The following PSMB2 variants were observed in gnomAD, a reference collection of about 807,000 sequenced individuals.
PSMB2 encodes proteasome 20S subunit beta 2.
In PSMB2, 13 loss-of-function variants were observed where a neutral mutation model predicts 25.7. The observed-to-expected ratio is 0.51, with a 90% CI of 0.33 to 0.80. The LOEUF is 0.80. Among genes scored for constraint, PSMB2 ranks in the 30% least tolerant of loss-of-function variants. The pLI, the probability that PSMB2 is intolerant of heterozygous loss-of-function variation, is 0.02. For synonymous variants in PSMB2, 87 were observed against 96.2 expected (o/e 0.90, Z 0.56); for missense variants, 202 against 259.0 (o/e 0.78, Z 1.51).
At position 35,601,798 on chromosome 1, in the gene PSMB2, T is replaced by C. The variant is rs1650010375; in HGVS notation, c.*1469A>G. 2.0e-6 allele frequency: 2 copies of C among 985,436 alleles called. No homozygotes were observed. Among genetic ancestry groups the C allele is most frequent in the Non-Finnish European group, 1.2e-6 (1 of 829,940 alleles). 61.0% of individuals were successfully genotyped at this position (985,436 alleles called of 1,614,324 possible). On this transcript the variant is annotated 3_prime_UTR_variant, in exon 6 of 6. Coordinates refer to ENST00000373237, the MANE Select transcript of PSMB2 (RefSeq NM_002794.5). ...ATCAGTAGCAACTGGAAATGTGAGA[T>C]GAACATTCTGAAACACACATCTGGT...
chr1:35,638,488 T>C (rs1251131400), intron 1 of PSMB2, among the ~76,000 whole-genome samples: 1 of 152,216 alleles, frequency 6.6e-6, no homozygotes, highest in African/African-American at 2.4e-5. Context: ...AGTTTCCAGA[T>C]GTGTGAAATG....
Position 35,604,674 on chromosome 1 carries a change from G to A in PSMB2, c.498+559C>T, listed in dbSNP as rs899493627. On this transcript the variant is annotated intron_variant, in intron 5 of 5. Transcript: ENST00000373237. ...TGGGCAACTGTAATCCCAGCTACTC[G>A]GGAGGCTAAGGCAAGAGAATTGCTT... is the stretch of plus-strand genomic sequence containing the variant. Among the ~76,000 whole-genome samples the A allele has an allele frequency of 2.0e-5, 3 of 152,160 alleles. No individual in the cohort carries two copies. The East Asian group carries it at 5.8e-4, about 29-fold the overall frequency.
chr1:35,618,195 A>G (rs1472097362), intron 3 of PSMB2, among the ~76,000 whole-genome samples: 1 of 152,180 alleles, frequency 6.6e-6, no homozygotes, highest in African/African-American at 2.4e-5. Context: ...TATATTTAGA[A>G]GGTAGAAATG....
intron 3 of PSMB2, among the ~76,000 whole-genome samples, chr1:35,615,783 G>T (rs1278165351): frequency 6.6e-6 from 1 of 152,120 alleles, no homozygotes; most frequent in Non-Finnish European, 1.5e-5. Context: ...TTTGGAGAAT[G>T]GTGCAATTTC....
At chr1:35,636,483 G>A (rs368413197) in intron 1 of PSMB2, 51 bp from the exon 2 acceptor site, 36 of 1,586,110 alleles carry the variant, frequency 2.3e-5, no homozygotes, top group Admixed American at 5.3e-5. Flanking sequence ...GACATTGACC[G>A]TCATTATTTA....
At chr1:35,629,197 C>A (rs781117285) in intron 3 of PSMB2, among the ~76,000 whole-genome samples, 2 of 152,184 alleles carry the variant, frequency 1.3e-5, no homozygotes, top group Non-Finnish European at 2.9e-5. Context: ...TACAAGCATT[C>A]ATTTTCCTGG....
chr1:35,635,373 C>T (rs1367331025), intron 2 of PSMB2, among the ~76,000 whole-genome samples: 1 of 151,762 alleles, frequency 6.6e-6, no homozygotes, highest in East Asian at 1.9e-4. Context: ...TCCCCAATTG[C>T]TGGGATTACA....
intron 2 of PSMB2, among the ~76,000 whole-genome samples, chr1:35,634,272 T>C (rs1346825584): frequency 6.6e-6 from 1 of 152,220 alleles, no homozygotes; most frequent in African/African-American, 2.4e-5. Flanking sequence ...TATAATTCAT[T>C]TCAGAGATAA....
At chr1:35,622,685 GCTCT>G (rs1419070554) in intron 3 of PSMB2, among the ~76,000 whole-genome samples, 5 of 151,846 alleles carry the variant, frequency 3.3e-5, no homozygotes, top group African/African-American at 1.2e-4. Flanking sequence ...GCACATATAT[GCTCT>G]CTGAGTGAGA....
At chr1:35,615,357 C>T (rs1373960470) in intron 3 of PSMB2, among the ~76,000 whole-genome samples, 2 of 152,096 alleles carry the variant, frequency 1.3e-5, no homozygotes, top group Non-Finnish European at 2.9e-5. Flanking sequence ...GACTCTTCTA[C>T]ATTTGGGGGT....
intron 3 of PSMB2, among the ~76,000 whole-genome samples, chr1:35,618,668 A>G (rs1650576797): frequency 2.0e-5 from 3 of 152,206 alleles, no homozygotes; most frequent in Admixed American, 2.0e-4. Context: ...TGACAAAAGC[A>G]GAGGTGCGAG....
chr1:35,635,408 A>T (rs976848723), intron 2 of PSMB2, among the ~76,000 whole-genome samples: 1 of 151,816 alleles, frequency 6.6e-6, no homozygotes, highest in Non-Finnish European at 1.5e-5. Context: ...TACCAGGCCG[A>T]TGGTGTTAGT....
intron 3 of PSMB2, among the ~76,000 whole-genome samples, chr1:35,623,320 C>T (rs552981746): frequency 1.5e-4 from 23 of 152,258 alleles, no homozygotes; most frequent in South Asian, 1.4e-3. Context: ...TGAACAGACA[C>T]GTAACTCTTG....
chr1:35,623,722 G>T (rs1364623239), intron 3 of PSMB2, among the ~76,000 whole-genome samples: 2 of 152,242 alleles, frequency 1.3e-5, no homozygotes, highest in African/African-American at 4.8e-5. Context: ...AGAAGATGAG[G>T]CCTCAAGGGA....
chr1:35,633,531 G>A (rs746366837), intron 2 of PSMB2, among the ~76,000 whole-genome samples: 4 of 152,140 alleles, frequency 2.6e-5, no homozygotes, highest in Non-Finnish European at 5.9e-5. Context: ...CTAAAACCCA[G>A]TAACAAACAA....
In PSMB2 at chr1:35,602,440, A is replaced by G. The variant is rs1363931262; in HGVS notation, c.*827T>C. The G allele has an allele frequency of 6.6e-6, 1 of 152,258 alleles. No homozygotes were observed. Among genetic ancestry groups the G allele is most frequent in the Admixed American group, 6.5e-5 (1 of 15,284 alleles). The allele number at this position is 152,258 out of a possible 1,614,324, so 9.4% of individuals were successfully genotyped here. ...AAAAACATAAGAAATTAGTAGCTGA[A>G]GTTTCCTCCAGGAAGGGAAGCAGGA... On this transcript the variant is annotated 3_prime_UTR_variant, in exon 6 of 6. Transcript: ENST00000373237.
chr1:35,601,574 C>T lies in PSMB2; in HGVS notation c.*1693G>A, dbSNP rs115523141. On this transcript the variant is annotated 3_prime_UTR_variant, in exon 6 of 6. Coordinates refer to ENST00000373237, the MANE Select transcript of PSMB2 (RefSeq NM_002794.5). The stretch of plus-strand genomic sequence containing the variant: ...TTGGCGTATTAAATAGTGTATAAGA[C>T]ACCCAAATCTAATGTTAACCCAATA... 1.0e-6 allele frequency: 1 copy of T among 985,118 alleles called. No individual in the cohort carries two copies. The highest frequency in any genetic ancestry group is 1.1e-4 in the East Asian group (1 of 8,814). 61.0% of individuals were successfully genotyped at this position (985,118 alleles called of 1,614,324 possible).
chr1:35,600,396 A>G lies in PSMB2; in HGVS notation c.*2871T>C. On this transcript the variant is annotated 3_prime_UTR_variant, in exon 6 of 6. Coordinates refer to ENST00000373237, the MANE Select transcript of PSMB2 (RefSeq NM_002794.5). ...TGTTGGTTTCTCAGTTTTGACAAAC[A>G]TACTGTGGTATATAGAAGATGTTAA... 1 of 808,606 alleles carries G rather than the reference A, an allele frequency of 1.2e-6. No homozygotes were observed. The highest frequency in any genetic ancestry group is 1.5e-6 in the Non-Finnish European group (1 of 668,820). The allele number at this position is 808,606 out of a possible 1,614,324, so 50.1% of individuals were successfully genotyped here.
At chr1:35,617,013 G>A (rs960109826) in intron 3 of PSMB2, among the ~76,000 whole-genome samples, 3 of 152,112 alleles carry the variant, frequency 2.0e-5, no homozygotes, top group Non-Finnish European at 2.9e-5. Context: ...ATGGGGAAGC[G>A]GGTAGAGAAC....
Sources: gnomAD v4.1 joint callset for allele counts (sites outside exome capture counted in the v4.1 genomes callset) on GRCh38, gnomAD v4.1.1 for gene constraint, MANE v1.5 for transcripts, NCBI Gene and HGNC (gene_info 2026-07-23, HGNC 2026-07-21) for gene names.